Variants in NRG1 observed in about 807,000 individuals in gnomAD.
NRG1 encodes pro-neuregulin-1, membrane-bound isoform.
A neutral mutation model predicts 63.8 loss-of-function variants in NRG1; 18 were observed. The ratio of observed to expected loss-of-function variants is 0.28; its 90% CI spans 0.19 to 0.42. The LOEUF (loss-of-function observed/expected upper bound fraction) is 0.42. Among genes scored for constraint, NRG1 ranks in the 10% least tolerant of loss-of-function variants. The probability of loss-of-function intolerance (pLI) is 1.00; values close to 1 mark genes in which losing one functional copy is unlikely to be tolerated. For missense variants in NRG1, 762 were observed against 814.7 expected, an observed-to-expected ratio of 0.94 and a Z score of 0.79; for synonymous variants, 302 against 301.3, an observed-to-expected ratio of 1.00 and a Z score of -0.02.
At chr8:31,957,449 G>GTCTGT (rs1804645409) in intron 1 of NRG1, among the ~76,000 whole-genome samples, 1 of 152,032 alleles carries the variant, frequency 6.6e-6, no homozygotes, top group African/African-American at 2.4e-5. Context: ...AGTCTGTAAT[G>GTCTGT]ACCATAAGCC....
At chr8:31,719,555 C>T (rs1812692491) in intron 1 of NRG1, among the ~76,000 whole-genome samples, 1 of 152,152 alleles carries the variant, frequency 6.6e-6, no homozygotes, top group African/African-American at 2.4e-5. Context: ...ATTCTGACAT[C>T]TTAGAACACC....
At chr8:32,405,221 G>A (rs181127142) in intron 1 of NRG1, among the ~76,000 whole-genome samples, 1 of 152,298 alleles carries the variant, frequency 6.6e-6, no homozygotes, top group African/African-American at 2.4e-5. Context: ...CCAGATACCA[G>A]CCTCAAACTC....
chr8:32,522,906 G>A (rs1282144768), intron 1 of NRG1, among the ~76,000 whole-genome samples: 1 of 151,402 alleles, frequency 6.6e-6, no homozygotes, highest in Non-Finnish European at 1.5e-5. Context: ...CCTGGGCTCA[G>A]GTGATCCTCC....
intron 1 of NRG1, among the ~76,000 whole-genome samples, chr8:32,270,692 G>C (rs1440039524): frequency 1.3e-5 from 2 of 152,154 alleles, no homozygotes; most frequent in Non-Finnish European, 2.9e-5. Context: ...TTTGCTAGAG[G>C]TGATTTGCAC....
chr8:31,725,116 C>G (rs2131325303), intron 1 of NRG1, among the ~76,000 whole-genome samples: 1 of 152,296 alleles, frequency 6.6e-6, no homozygotes, highest in East Asian at 1.9e-4. Flanking sequence ...AAAAATGACT[C>G]TTAGCCCACA....
intron 1 of NRG1, among the ~76,000 whole-genome samples, chr8:31,683,789 G>T (rs757964509): frequency 4.6e-5 from 7 of 152,036 alleles, no homozygotes; most frequent in Non-Finnish European, 1.0e-4. Flanking sequence ...TGTGCATGTG[G>T]GTGGGGCAGG....
At chr8:32,038,073 T>G (rs1819360793) in intron 1 of NRG1, among the ~76,000 whole-genome samples, 1 of 152,228 alleles carries the variant, frequency 6.6e-6, no homozygotes, top group Non-Finnish European at 1.5e-5. Context: ...GTCGCCCACC[T>G]GAGCAGCCGC....
chr8:31,937,170 A>G (rs2129620520), intron 1 of NRG1, among the ~76,000 whole-genome samples: 1 of 152,316 alleles, frequency 6.6e-6, no homozygotes, highest in Admixed American at 6.5e-5. Flanking sequence ...ATTTGTCACC[A>G]GTTCCAACAC....
intron 1 of NRG1, among the ~76,000 whole-genome samples, chr8:32,459,622 GA>G (rs1822067919): frequency 6.6e-6 from 1 of 151,226 alleles, no homozygotes; most frequent in Non-Finnish European, 1.5e-5. Context: ...AAAAAAAGAA[GA>G]AGGAAACATG....
chr8:32,754,581 A>C lies in NRG1; in HGVS notation c.794+107A>C. 4 of 980,612 alleles carry C rather than the reference A, an allele frequency of 4.1e-6. No individual in the cohort carries two copies. In the South Asian group the frequency reaches 4.2e-5, roughly 10 times the overall value. The allele number at this position is 980,612 out of a possible 1,614,324, so 60.7% of individuals were successfully genotyped here. ...CCACAGCCTAGTCTTGGGGATAAAA[A>C]AAAAAGGAGGGGCAGGGGGAGATTA... is the stretch of plus-strand genomic sequence containing the variant. On this transcript the variant is annotated intron_variant, in intron 8 of 11. Transcript: ENST00000356819.
chr8:32,762,957 G>T (rs1185312514), intron 11 of NRG1, among the ~76,000 whole-genome samples: 1 of 152,132 alleles, frequency 6.6e-6, no homozygotes, highest in African/African-American at 2.4e-5. Context: ...TCATGAAAGA[G>T]ATTGACCAAA....
chr8:32,401,919 G>A (rs1813261938), intron 1 of NRG1, among the ~76,000 whole-genome samples: 2 of 152,068 alleles, frequency 1.3e-5, no homozygotes, highest in Admixed American at 1.3e-4. Context: ...TTGTTTGTTT[G>A]TTTGTTTTGA....
intron 5 of NRG1, among the ~76,000 whole-genome samples, chr8:32,708,783 C>G (rs1236079741): frequency 6.6e-6 from 1 of 152,126 alleles, no homozygotes; most frequent in Non-Finnish European, 1.5e-5. Context: ...TTAGCTAAAG[C>G]AACTGAGTGT....
rs867054600 is a variant in NRG1, at chr8:31,704,827, G to A, written c.37+65396G>A. Among the ~76,000 whole-genome samples the A allele has an allele frequency of 1.9e-3, 163 of 86,536 alleles. 1 individual carries two copies. In the South Asian group the frequency reaches 0.023, roughly 12 times the overall value. 56.8% of individuals were successfully genotyped at this position (86,536 alleles called of 152,430 possible). A position where few individuals can be genotyped will look rare whatever the true frequency, so the allele number is the denominator to read the frequency against. On this transcript the variant is annotated intron_variant, in intron 1 of 10. Transcript: ENST00000519301. The stretch of plus-strand genomic sequence containing the variant: ...AGCCTGGGCGACAGAGTGAGACTCC[G>A]TCTAAAAAAAAAAAAAAAAAAAGAA...
intron 1 of NRG1, among the ~76,000 whole-genome samples, chr8:31,982,637 A>C (rs974815931): frequency 6.6e-6 from 1 of 152,068 alleles, no homozygotes; most frequent in Non-Finnish European, 1.5e-5. Context: ...ATGAAGGTCC[A>C]TTTTTGTGAT....
intron 5 of NRG1, among the ~76,000 whole-genome samples, chr8:32,727,211 C>A (rs1425329018): frequency 1.3e-5 from 2 of 152,100 alleles, no homozygotes; most frequent in Non-Finnish European, 2.9e-5. Context: ...TGTTGCAAAC[C>A]AAACTTGAAA....
intron 1 of NRG1, among the ~76,000 whole-genome samples, chr8:32,173,917 A>T (rs373406820): frequency 6.6e-6 from 1 of 152,210 alleles, no homozygotes; most frequent in Non-Finnish European, 1.5e-5. Flanking sequence ...CACTGTCAAC[A>T]TTAGACTGAT....
intron 1 of NRG1, among the ~76,000 whole-genome samples, chr8:32,507,013 C>T (rs934232240): frequency 3.3e-5 from 5 of 152,132 alleles, no homozygotes; most frequent in Admixed American, 6.5e-5. Flanking sequence ...ACATCCACTT[C>T]GTTCCAAAGA....
chr8:32,495,804 G>A (rs1827141724), intron 1 of NRG1, among the ~76,000 whole-genome samples: 1 of 152,088 alleles, frequency 6.6e-6, no homozygotes, highest in Non-Finnish European at 1.5e-5. Flanking sequence ...TTTGGAGTAT[G>A]TCTTTATTAG....
Sources: allele counts gnomAD v4.1 joint callset (sites outside exome capture counted in the v4.1 genomes callset), GRCh38; gene constraint gnomAD v4.1.1; transcripts MANE v1.5; gene names NCBI Gene and HGNC (gene_info 2026-07-23, HGNC 2026-07-21).